ZFYVE26: variants seen among roughly 807,000 people sequenced by gnomAD.
ZFYVE26 encodes zinc finger FYVE-type containing 26, also known as zinc finger FYVE domain-containing protein 26.
ZFYVE26 carries 181 observed loss-of-function variants against 276.5 expected under a neutral mutation model. The observed-to-expected ratio is 0.65, with a 90% CI of 0.58 to 0.74. The LOEUF (loss-of-function observed/expected upper bound fraction) is 0.74, where lower values mean the gene tolerates loss of function less well. Among genes scored for constraint, ZFYVE26 ranks in the 30% least tolerant of loss-of-function variants. The probability of loss-of-function intolerance (pLI) is 0.00; values close to 1 mark genes in which losing one functional copy is unlikely to be tolerated. For synonymous variants in ZFYVE26, 1,129 were observed against 1,203.1 expected, an observed-to-expected ratio of 0.94 and a Z score of 1.27; for missense variants, 2,821 against 3,097.9, an observed-to-expected ratio of 0.91 and a Z score of 2.12.
chr14:67,772,394 G>A (rs1387120473), intron 27 of ZFYVE26, among the ~76,000 whole-genome samples, 184 bp from the exon 28 acceptor site: 1 of 152,172 alleles, frequency 6.6e-6, no homozygotes, highest in Non-Finnish European at 1.5e-5. Flanking sequence ...CCTCCTGATG[G>A]ATGTGTACAC....
rs183262510 is a variant in ZFYVE26, at chr14:67,791,947, C to T, written c.2554-1174G>A. On this transcript the variant is annotated intron_variant, in intron 14 of 41. Transcript: ENST00000347230. ...TGGTGGTGTGCACCTGTAGTCCCAG[C>T]TACTCAGGAGGCTGAGGCAGGAGAA... Among the ~76,000 whole-genome samples the T allele has an allele frequency of 8.7e-4, 132 of 151,728 alleles. 3 individuals carry two copies. In the East Asian group the frequency reaches 0.023, roughly 27 times the overall value.
chr14:67,777,687 G>A lies in ZFYVE26; in HGVS notation c.4846C>T (p.Gln1616Ter), dbSNP rs2140214976. The A allele has an allele frequency of 6.2e-7, 1 of 1,614,174 alleles. No homozygotes were observed. The highest frequency in any genetic ancestry group is 8.5e-7 in the Non-Finnish European group (1 of 1,180,034). Residue 1616 changes from glutamine (Q) to a stop codon, truncating the protein, a stop_gained, in exon 25 of 42, where the codon CAA (glutamine) becomes TAA (stop). Transcript: ENST00000347230. LOFTEE classifies it high-confidence loss of function. ...DPTMCLEVTE[Q>*]SLDQHTSLAT... ...AAGCTAGTGTGCTGGTCGAGGGATT[G>A]CTCTGTCACTTCAAGGCACATGGTG...
At chr14:67,734,451 ATTGTCTTATT>A (rs1207501897) in intron 13 of ZFYVE26, 1 of 154,964 alleles carries the variant, frequency 6.5e-6, no homozygotes, top group East Asian at 1.9e-4. Flanking sequence ...CATTCATCTC[ATTGTCTTATT>A]TATTTTCTCA....
chr14:67,814,388 A>T (rs975927597), intron 2 of ZFYVE26, among the ~76,000 whole-genome samples: 26 of 152,076 alleles, frequency 1.7e-4, no homozygotes, highest in African/African-American at 6.0e-4. Flanking sequence ...GTGCGGTGGC[A>T]GGCGCCTGTA....
At chr14:67,809,548 G>A (rs1029592403) in intron 3 of ZFYVE26, among the ~76,000 whole-genome samples, 11 of 150,290 alleles carry the variant, frequency 7.3e-5, no homozygotes, top group East Asian at 2.0e-4. Flanking sequence ...TCAGCCTCCC[G>A]AGTAGCTGGG....
chr14:67,809,084 G>C, intron 4 of ZFYVE26, 116 bp downstream of exon 4: 1 of 903,658 alleles, frequency 1.1e-6, no homozygotes, highest in South Asian at 1.3e-5. Context: ...GTGTTGCCTT[G>C]CCTGAGAACA....
chr14:67,786,360 T>C (rs2039659951), intron 16 of ZFYVE26, 127 bp from the exon 17 acceptor site: 2 of 1,222,374 alleles, frequency 1.6e-6, no homozygotes, highest in Non-Finnish European at 2.3e-6. Context: ...AAATACATGC[T>C]GTGCCATTTT....
Position 67,785,248 on chromosome 14 carries a change from C to A in ZFYVE26, c.3334G>T (p.Val1112Leu), listed in dbSNP as rs1338124869. ...EPRTPPLSSLVEQAAQKAPEA... is the reference protein window; with the variant it reads ...EPRTPPLSSLLEQAAQKAPEA... Reference sequence around the variant, plus strand: ...GGAGCTTTCTGGGCTGCCTGCTCCACCAGGGAAGACAGTGGAGGAGTCCTG... The same window carrying A: ...GGAGCTTTCTGGGCTGCCTGCTCCAACAGGGAAGACAGTGGAGGAGTCCTG... The change falls in exon 19 of 42, where the codon GTG (valine) becomes TTG (leucine). Residue 1112 changes from valine to leucine, a missense_variant. Coordinates refer to ENST00000347230, the MANE Select transcript of ZFYVE26 (RefSeq NM_015346.4). 3.7e-6 allele frequency: 6 copies of A among 1,611,618 alleles called. No homozygotes were observed. Among genetic ancestry groups the A allele is most frequent in the Admixed American group, 1.7e-5 (1 of 59,344 alleles).
chr14:67,805,137 G>C, intron 8 of ZFYVE26, 80 bp downstream of exon 8: 1 of 1,374,550 alleles, frequency 7.3e-7, no homozygotes, highest in South Asian at 1.2e-5. Context: ...TGTGGAAAAC[G>C]CCTTGAAATG....
rs1200058972 is a variant in ZFYVE26 at position 67,783,204 on chromosome 14, A to G, written c.3948T>C (p.Ala1316=). The change falls in exon 21 of 42, where the codon GCT becomes GCC. Residue 1316 remains alanine (A), a synonymous_variant. Transcript: ENST00000347230. The stretch of plus-strand genomic sequence containing the variant: ...GGGAAGCCCCCAGGCAGGCCACCGT[A>G]GCTAGGAGCTTTGAGCGTGACTTAA... ...AFLKSRSKLL[A]TVACLGASPR... 6.2e-7 allele frequency: 1 copy of G among 1,613,048 alleles called. No homozygotes were observed.
At chr14:67,806,993 C>A (rs910247520) in intron 5 of ZFYVE26, among the ~76,000 whole-genome samples, 10 of 152,122 alleles carry the variant, frequency 6.6e-5, no homozygotes, top group Non-Finnish European at 1.2e-4. Flanking sequence ...TACAGCGGTG[C>A]AAACACGGTT....
At chr14:67,782,057 AC>A (rs1451512757) in intron 21 of ZFYVE26, among the ~76,000 whole-genome samples, 2 of 152,214 alleles carry the variant, frequency 1.3e-5, no homozygotes, top group African/African-American at 4.8e-5. Context: ...TTAAGAACAC[AC>A]AGCCAGTCAG....
Position 67,805,538 on chromosome 14 carries a change from A to G in ZFYVE26, c.1098T>C (p.Ser366=). Residue 366 remains serine, a synonymous_variant, in exon 7 of 42, where the codon AGT becomes AGC. Transcript: ENST00000347230. ...CLLDREFRPL[S]CLLVLLGWTH... ...TCCAGCCCAGGAGTACAAGCAGGCA[A>G]CTGAGGGGCCTGAATTCTCTATCAA... 1 of 1,614,204 alleles carries G rather than the reference A, an allele frequency of 6.2e-7. No individual in the cohort carries two copies. The highest frequency in any genetic ancestry group is 8.5e-7 in the Non-Finnish European group (1 of 1,180,022).
chr14:67,767,611 AG>A lies in ZFYVE26; in HGVS notation c.5790+92del. 1.9e-6 allele frequency: 3 copies of A among 1,542,674 alleles called. No homozygotes were observed. In the South Asian group the frequency reaches 3.4e-5, roughly 17 times the overall value. On this transcript the variant is annotated intron_variant, in intron 31 of 41. Coordinates refer to ENST00000347230, the MANE Select transcript of ZFYVE26 (RefSeq NM_015346.4). ...ATATTATTGCACTATAAACAAGTAA[AG>A]GCCAGGTGTGTTCACCTACCTCTGT...
chr14:67,804,326 C>T (rs1490911711), intron 8 of ZFYVE26, 62 bp from the exon 9 acceptor site: 2 of 1,573,424 alleles, frequency 1.3e-6, no homozygotes, highest in Admixed American at 1.7e-5. Flanking sequence ...GAAGAAAGAT[C>T]AATCTCCATT....
chr14:67,772,958 A>AAAAAAG (rs2039252136), intron 27 of ZFYVE26, among the ~76,000 whole-genome samples: 1 of 152,064 alleles, frequency 6.6e-6, no homozygotes, highest in Non-Finnish European at 1.5e-5. Flanking sequence ...AGACTCTCTT[A>AAAAAAG]AAAAAGAAAA....
chr14:67,794,588 G>A lies in ZFYVE26; in HGVS notation c.2333-349C>T, dbSNP rs377442779. On this transcript the variant is annotated intron_variant, in intron 12 of 41. Transcript: ENST00000347230. ...GAAAAAATAAAAGCACAACTGTTAT[G>A]ACCAGGGAGTGGTAGGGACACAGTA... Among the ~76,000 whole-genome samples the A allele has an allele frequency of 5.3e-4, 81 of 152,350 alleles. No individual in the cohort carries two copies. In the East Asian group the frequency reaches 0.01, roughly 19 times the overall value.
At chr14:67,769,520 C>T in intron 29 of ZFYVE26, 74 bp downstream of exon 29, 1 of 1,602,316 alleles carries the variant, frequency 6.2e-7, no homozygotes, top group South Asian at 1.1e-5. Flanking sequence ...CATAATGAGA[C>T]TCCTAGGAGT....
At chr14:67,801,255 A>T (rs533419278) in intron 10 of ZFYVE26, among the ~76,000 whole-genome samples, 6 of 146,728 alleles carry the variant, frequency 4.1e-5, no homozygotes, top group East Asian at 3.9e-4. Context: ...TGTCTCAAAG[A>T]AAAAAAAAAA....
Sources: gnomAD v4.1 joint callset for allele counts (sites outside exome capture counted in the v4.1 genomes callset) on GRCh38, gnomAD v4.1.1 for gene constraint, MANE v1.5 for transcripts, NCBI Gene and HGNC (gene_info 2026-07-23, HGNC 2026-07-21) for gene names.